CCDC30: variants seen among roughly 807,000 people sequenced by gnomAD.
CCDC30 encodes coiled-coil domain-containing protein 30.
Under a neutral mutation model 100.2 loss-of-function variants are expected in CCDC30, and 70 were observed. The ratio of observed to expected loss-of-function variants is 0.70; its 90% CI spans 0.58 to 0.85. CCDC30 has a LOEUF of 0.85. CCDC30 is among the 40% of genes least tolerant of loss of function. CCDC30 has a pLI of 0.00. For synonymous variants in CCDC30, 233 were observed against 269.5 expected (o/e 0.86, Z 1.33); for missense variants, 652 against 771.2 (o/e 0.85, Z 1.83).
At chr1:42,540,374 C>T (rs899049261) in intron 6 of CCDC30, among the ~76,000 whole-genome samples, 4 of 151,318 alleles carry the variant, frequency 2.6e-5, no homozygotes, top group Non-Finnish European at 4.4e-5. Context: ...GGTAAGTTAT[C>T]ATCACGTTGT....
chr1:42,579,972 A>T (rs763613289), intron 8 of CCDC30, among the ~76,000 whole-genome samples: 3 of 152,138 alleles, frequency 2.0e-5, no homozygotes, highest in South Asian at 2.1e-4. Flanking sequence ...TTAAAAAGGA[A>T]CAGCAAGGAT....
chr1:42,610,034 A>G (rs961437042), intron 10 of CCDC30, among the ~76,000 whole-genome samples: 5 of 152,222 alleles, frequency 3.3e-5, no homozygotes, highest in Non-Finnish European at 5.9e-5. Flanking sequence ...TTCTCAGACA[A>G]TGCCTTGTTC....
the CCDC30 span, chr1:42,456,693 G>A: frequency 6.2e-7 from 1 of 1,607,046 alleles, no homozygotes; most frequent in East Asian, 2.2e-5. Flanking sequence ...GTTACGTCAG[G>A]CGGCACCAAG....
At chr1:42,612,985 G>A (rs556858459) in intron 11 of CCDC30, among the ~76,000 whole-genome samples, 19 of 152,228 alleles carry the variant, frequency 1.2e-4, no homozygotes, top group Non-Finnish European at 2.4e-4. Flanking sequence ...ATCTTAAAAT[G>A]TATTGACAAA....
At chr1:42,651,537 C>T (rs1030993917) in intron 15 of CCDC30, among the ~76,000 whole-genome samples, 4 of 151,808 alleles carry the variant, frequency 2.6e-5, no homozygotes, top group Admixed American at 2.0e-4. Context: ...GGGATATCAC[C>T]TCACACCTGT....
Position 42,581,573 on chromosome 1 carries a change from A to T in CCDC30, c.1001+59A>T, listed in dbSNP as rs535736183. ...TTTAGCCATGACTGAGTTAATCAGC[A>T]ATATCAATTTTTTCTAACAGAATAT... On this transcript the variant is annotated intron_variant, in intron 9 of 16. Transcript: ENST00000668663. The T allele has an allele frequency of 2.0e-6, 3 of 1,490,914 alleles. No individual in the cohort carries two copies. In the South Asian group the frequency reaches 3.8e-5, roughly 19 times the overall value. The allele number at this position is 1,490,914 out of a possible 1,614,324, so 92.4% of individuals were successfully genotyped here.
intron 10 of CCDC30, among the ~76,000 whole-genome samples, chr1:42,605,488 AT>A (rs954904894): frequency 4.6e-5 from 7 of 151,810 alleles, no homozygotes; most frequent in African/African-American, 1.7e-4. Context: ...CAAAGTCATT[AT>A]TTTTTTTCAG....
At chr1:42,515,680 A>G (rs1457396192) in intron 6 of CCDC30, among the ~76,000 whole-genome samples, 4 of 152,178 alleles carry the variant, frequency 2.6e-5, no homozygotes, top group African/African-American at 4.8e-5. Context: ...AGTCTATGGT[A>G]TTTTGTTATA....
intron 7 of CCDC30, among the ~76,000 whole-genome samples, chr1:42,567,718 T>A (rs1034886957): frequency 6.6e-6 from 1 of 152,216 alleles, no homozygotes; most frequent in Non-Finnish European, 1.5e-5. Flanking sequence ...AGGACATTTC[T>A]TAGATCATTT....
At chr1:42,610,983 C>G in exon 11 of CCDC30, 1 of 1,589,774 alleles carries the variant, frequency 6.3e-7, no homozygotes, top group Non-Finnish European at 8.6e-7. Flanking sequence ...TTCAGCATGT[C>G]AAAAGCAACC....
downstream of CCDC30, among the ~76,000 whole-genome samples, chr1:42,656,508 G>A (rs1402143649): frequency 1.3e-5 from 2 of 152,172 alleles, no homozygotes; most frequent in Non-Finnish European, 2.9e-5. Context: ...GTGCACACCT[G>A]TAGTCCCTGC....
intron 6 of CCDC30, among the ~76,000 whole-genome samples, chr1:42,551,742 GGTGTGTGTGT>G (rs34048456): frequency 1.4e-5 from 2 of 144,592 alleles, no homozygotes; most frequent in Non-Finnish European, 3.0e-5. Flanking sequence ...GATAAATTCT[GGTGTGTGTGT>G]GTGTGTGTGT....
At chr1:42,653,345 C>T in intron 15 of CCDC30, 31 bp from the exon 20 acceptor site, 1 of 1,394,702 alleles carries the variant, frequency 7.2e-7, no homozygotes, top group Middle Eastern at 2.0e-4. Context: ...ATCATTATAA[C>T]TTTTCACATT....
intron 6 of CCDC30, among the ~76,000 whole-genome samples, chr1:42,515,582 C>A (rs1476951588): frequency 6.6e-6 from 1 of 152,196 alleles, no homozygotes; most frequent in African/African-American, 2.4e-5. Flanking sequence ...AGGTGCCTCA[C>A]CAGACACCAA....
chr1:42,471,268 T>G (rs1003620268), intron 1 of CCDC30, among the ~76,000 whole-genome samples: 3 of 152,150 alleles, frequency 2.0e-5, no homozygotes, highest in African/African-American at 7.2e-5. Flanking sequence ...CTTTTCCTTT[T>G]AACATCCTCC....
chr1:42,456,458 G>T, the CCDC30 span: 2 of 1,188,114 alleles, frequency 1.7e-6, no homozygotes, highest in Non-Finnish European at 1.1e-6. Flanking sequence ...CAAAAGAAGG[G>T]TAGTGAACCG....
At chr1:42,539,281 C>A in intron 6 of CCDC30, 1 of 1,599,840 alleles carries the variant, frequency 6.3e-7, no homozygotes. Flanking sequence ...TGACCTGTTA[C>A]AAAGAGAGAA....
intron 6 of CCDC30, among the ~76,000 whole-genome samples, chr1:42,560,227 A>G (rs1645458768): frequency 6.6e-6 from 1 of 152,204 alleles, no homozygotes; most frequent in Non-Finnish European, 1.5e-5. Flanking sequence ...ATCACAATTA[A>G]AAGAGCTAGA....
intron 1 of CCDC30, among the ~76,000 whole-genome samples, chr1:42,468,917 G>A (rs374046176): frequency 5.3e-5 from 8 of 152,154 alleles, no homozygotes; most frequent in African/African-American, 1.9e-4. Flanking sequence ...GGAAATGGCA[G>A]CATTTGAAGG....
Sources: gnomAD v4.1 joint callset for allele counts (sites outside exome capture counted in the v4.1 genomes callset) on GRCh38, gnomAD v4.1.1 for gene constraint, MANE v1.5 for transcripts, NCBI Gene and HGNC (gene_info 2026-07-23, HGNC 2026-07-21) for gene names.